Variants in TFCP2 observed in about 807,000 individuals in gnomAD.
The protein encoded by TFCP2 is alpha-globin transcription factor CP2.
Under a neutral mutation model 73.4 loss-of-function variants are expected in TFCP2, and 33 were observed. That is an observed-to-expected ratio of 0.45 (90% confidence interval 0.34 to 0.60). The LOEUF is 0.60. TFCP2 is among the 20% of genes least tolerant of loss of function. TFCP2 has a pLI of 0.01. For synonymous variants in TFCP2, 193 were observed against 211.6 expected, an observed-to-expected ratio of 0.91 and a Z score of 0.76; for missense variants, 352 against 604.0, an observed-to-expected ratio of 0.58 and a Z score of 4.37.
chr12:51,119,579 T>C (rs1037867042), intron 1 of TFCP2, among the ~76,000 whole-genome samples: 1 of 151,710 alleles, frequency 6.6e-6, no homozygotes, highest in East Asian at 2.0e-4. Context: ...GGCGAAACCC[T>C]GTCTCTACTA....
chr12:51,171,776 T>C (rs561529597), intron 1 of TFCP2, among the ~76,000 whole-genome samples: 4 of 152,348 alleles, frequency 2.6e-5, no homozygotes, highest in African/African-American at 9.6e-5. Context: ...TCACAGCTTA[T>C]GTTTTAAAAG....
chr12:51,145,978 T>C (rs1367933262), intron 1 of TFCP2, among the ~76,000 whole-genome samples: 3 of 150,974 alleles, frequency 2.0e-5, no homozygotes, highest in Non-Finnish European at 4.4e-5. Context: ...AAAAGAACCT[T>C]AGAACCAAAG....
At chr12:51,125,217 T>C (rs771969696) in intron 1 of TFCP2, 3 of 624,276 alleles carry the variant, frequency 4.8e-6, no homozygotes, top group African/African-American at 3.6e-5. Flanking sequence ...GCAAAGATAA[T>C]TGGTTTCTGT....
chr12:51,143,765 C>G (rs1340544398), intron 1 of TFCP2, among the ~76,000 whole-genome samples: 1 of 152,096 alleles, frequency 6.6e-6, no homozygotes, highest in Non-Finnish European at 1.5e-5. Flanking sequence ...TAGGCTGTCT[C>G]TTGGAAAAGA....
At chr12:51,119,173 T>C (rs1489378893) in intron 1 of TFCP2, among the ~76,000 whole-genome samples, 1 of 152,224 alleles carries the variant, frequency 6.6e-6, no homozygotes. Context: ...AAATAACTTC[T>C]ACAATTCCTT....
chr12:51,106,558 T>TA lies in TFCP2; in HGVS notation c.883_884insT (p.Asn295IlefsTer5). 6.2e-7 allele frequency: 1 copy of TA among 1,613,582 alleles called. No individual in the cohort carries two copies. Among genetic ancestry groups the TA allele is most frequent in the East Asian group, 2.2e-5 (1 of 44,872 alleles). Reference sequence around the variant, plus strand: ...AAGAGAAAAACTGCTATGGGAACTGTTGAAGCCAGGTGATGGGGAGTTATT... The same window carrying TA: ...AAGAGAAAAACTGCTATGGGAACTGTATGAAGCCAGGTGATGGGGAGTTATT... On this transcript the variant is annotated frameshift_variant, in exon 8 of 15. Transcript: ENST00000257915. LOFTEE classifies it high-confidence loss of function.
chr12:51,147,810 A>G (rs1044806219), intron 1 of TFCP2, among the ~76,000 whole-genome samples: 1 of 152,228 alleles, frequency 6.6e-6, no homozygotes, highest in Non-Finnish European at 1.5e-5. Flanking sequence ...TAATTAAACT[A>G]AAAAGCTTCT....
intron 1 of TFCP2, among the ~76,000 whole-genome samples, chr12:51,145,567 C>CAAAAAAA (rs59778550): frequency 2.0e-5 from 1 of 49,154 alleles, no homozygotes; most frequent in Admixed American, 3.7e-4. Flanking sequence ...AAGACTATCT[C>CAAAAAAA]AAAAAAAAAA....
At chr12:51,166,271 C>T (rs1409144392) in intron 1 of TFCP2, among the ~76,000 whole-genome samples, 8 of 151,938 alleles carry the variant, frequency 5.3e-5, no homozygotes. Flanking sequence ...GAGACCATGC[C>T]ATTGCACTCC....
chr12:51,153,569 C>CTT (rs1229248482), intron 1 of TFCP2, among the ~76,000 whole-genome samples: 1 of 148,190 alleles, frequency 6.7e-6, no homozygotes, highest in Non-Finnish European at 1.5e-5. Context: ...ACTACTCACT[C>CTT]CCCTCTCCTG....
intron 1 of TFCP2, among the ~76,000 whole-genome samples, chr12:51,169,393 C>T (rs999204066): frequency 1.3e-5 from 2 of 151,466 alleles, no homozygotes; most frequent in African/African-American, 4.9e-5. Flanking sequence ...GCCAGCTACT[C>T]GGGAGGCTGA....
intron 4 of TFCP2, among the ~76,000 whole-genome samples, chr12:51,113,718 G>A (rs973428459): frequency 6.6e-6 from 1 of 152,124 alleles, no homozygotes; most frequent in African/African-American, 2.4e-5. Flanking sequence ...TAAACAAATG[G>A]AATAGAATAG....
intron 1 of TFCP2, among the ~76,000 whole-genome samples, chr12:51,123,040 A>G (rs1940721669): frequency 6.6e-6 from 1 of 152,172 alleles, no homozygotes; most frequent in South Asian, 2.1e-4. Flanking sequence ...TTTCTTCTCA[A>G]GTATCACTAC....
chr12:51,114,636 G>T (rs568423497), intron 4 of TFCP2, among the ~76,000 whole-genome samples: 111 of 151,768 alleles, frequency 7.3e-4, no homozygotes, highest in Middle Eastern at 3.4e-3. Context: ...TAAAAATAAA[G>T]AAAGAAAGAA....
intron 1 of TFCP2, among the ~76,000 whole-genome samples, chr12:51,154,963 A>T (rs1255922818): frequency 6.6e-6 from 1 of 152,240 alleles, no homozygotes; most frequent in African/African-American, 2.4e-5. Flanking sequence ...GAGTGTTTCC[A>T]GAGAAGACTG....
intron 4 of TFCP2, among the ~76,000 whole-genome samples, chr12:51,113,478 CCA>C (rs375863437): frequency 7.2e-5 from 11 of 152,220 alleles, no homozygotes; most frequent in African/African-American, 2.6e-4. Context: ...ACCAGAACTC[CCA>C]CTTTATAGTG....
At position 51,103,781 on chromosome 12, in the gene TFCP2, T is replaced by G; in HGVS notation, c.967-18A>C. ...AAGAGGTTCTGAAAGGGAGAGCACGTTTTTTAGATAACCAAATAGATTTGT... is the reference window on the plus strand; with the variant it reads ...AAGAGGTTCTGAAAGGGAGAGCACGGTTTTTAGATAACCAAATAGATTTGT... On this transcript the variant is annotated intron_variant, in intron 9 of 14. Coordinates refer to ENST00000257915, the MANE Select transcript of TFCP2 (RefSeq NM_005653.5). 1 of 1,594,932 alleles carries G rather than the reference T, an allele frequency of 6.3e-7. No individual in the cohort carries two copies. The highest frequency in any genetic ancestry group is 2.2e-5 in the East Asian group (1 of 44,766).
At chr12:51,102,093 G>A in intron 10 of TFCP2, 68 bp from the exon 11 acceptor site, 1 of 1,128,322 alleles carries the variant, frequency 8.9e-7, no homozygotes. Context: ...ATTAAAATGG[G>A]CTGTATTATA....
intron 1 of TFCP2, among the ~76,000 whole-genome samples, chr12:51,151,895 G>T (rs913040207): frequency 3.3e-5 from 5 of 152,070 alleles, no homozygotes; most frequent in African/African-American, 1.2e-4. Context: ...AAAATAATAG[G>T]AACAGAAAGC....
Sources: allele counts gnomAD v4.1 joint callset (sites outside exome capture counted in the v4.1 genomes callset), GRCh38; gene constraint gnomAD v4.1.1; transcripts MANE v1.5; gene names NCBI Gene and HGNC (gene_info 2026-07-23, HGNC 2026-07-21).